The following CSMD1 variants were observed in gnomAD, a reference collection of about 807,000 sequenced individuals.
CSMD1 encodes the protein CUB and sushi domain-containing protein 1.
A neutral mutation model predicts 417.5 loss-of-function variants in CSMD1; 213 were observed. That is an observed-to-expected ratio of 0.51 (90% CI 0.46 to 0.57). CSMD1 has a LOEUF of 0.57. CSMD1 is among the 20% of genes least tolerant of loss of function. The pLI is 0.00. For missense variants in CSMD1, 6,923 were observed against 4,529.7 expected, an observed-to-expected ratio of 1.53 and a Z score of -15.17; for synonymous variants, 2,862 against 1,736.8, an observed-to-expected ratio of 1.65 and a Z score of -16.11.
chr8:4,914,314 C>G (rs1805907174), intron 1 of CSMD1, among the ~76,000 whole-genome samples: 1 of 152,126 alleles, frequency 6.6e-6, no homozygotes, highest in Non-Finnish European at 1.5e-5. Context: ...CGGTGGCTCA[C>G]ACCTGTAATC....
At chr8:3,439,146 AAAAAAAC>A (rs1814776970) in intron 12 of CSMD1, among the ~76,000 whole-genome samples, 5 of 129,334 alleles carry the variant, frequency 3.9e-5, no homozygotes, top group Non-Finnish European at 6.2e-5. Context: ...AAAAAAAAAA[AAAAAAAC>A]CAAGAAAAAA....
In CSMD1 at chr8:4,579,657, C is replaced by T. The variant is rs1166587062; in HGVS notation, c.302+57685G>A. 3.9e-5 allele frequency among the ~76,000 whole-genome samples: 6 copies of T among 152,040 alleles called. No homozygotes were observed. The East Asian group carries it at 5.8e-4, about 15-fold the overall frequency. On this transcript the variant is annotated intron_variant, in intron 2 of 69. Coordinates refer to ENST00000635120, the MANE Select transcript of CSMD1 (RefSeq NM_033225.6). Reference sequence around the variant, plus strand: ...TATTACAGGTGTGAGCCATCATGCCCGGCCTTAAACCTATATTTTAAGGAT... The same window carrying T: ...TATTACAGGTGTGAGCCATCATGCCTGGCCTTAAACCTATATTTTAAGGAT...
intron 29 of CSMD1, among the ~76,000 whole-genome samples, chr8:3,214,924 T>A (rs1361920734): frequency 6.6e-6 from 1 of 152,206 alleles, no homozygotes; most frequent in Non-Finnish European, 1.5e-5. Flanking sequence ...AAAAACCACA[T>A]TTTGCTACAG....
In CSMD1 at chr8:4,670,858, T is replaced by G. The variant is rs538736515; in HGVS notation, c.86-33300A>C. 4.6e-5 allele frequency among the ~76,000 whole-genome samples: 7 copies of G among 152,328 alleles called. No individual in the cohort carries two copies. The South Asian group carries it at 1.4e-3, about 32-fold the overall frequency. On this transcript the variant is annotated intron_variant, in intron 1 of 69. Transcript: ENST00000635120. ...AAGAGCAAAAGAACGTGTTTGTGTTTGGTGGTGGCATGTTTTGATGGGGGT... is the reference window on the plus strand; with the variant it reads ...AAGAGCAAAAGAACGTGTTTGTGTTGGGTGGTGGCATGTTTTGATGGGGGT...
chr8:3,201,594 A>G lies in CSMD1; in HGVS notation c.5098+18T>C. On this transcript the variant is annotated intron_variant, in intron 32 of 69. Coordinates refer to ENST00000635120, the MANE Select transcript of CSMD1 (RefSeq NM_033225.6). ...AGCTGTCTGAACTAAATTAAGGGCA[A>G]AATTCTTTAAGACTTACCTGAGTGA... 6.6e-7 allele frequency: 1 copy of G among 1,512,458 alleles called. No individual in the cohort carries two copies. The highest frequency in any genetic ancestry group is 9.1e-7 in the Non-Finnish European group (1 of 1,104,892). The allele number at this position is 1,512,458 out of a possible 1,614,324, so 93.7% of individuals were successfully genotyped here.
chr8:3,898,025 C>G (rs1305466168), intron 5 of CSMD1, among the ~76,000 whole-genome samples: 1 of 152,140 alleles, frequency 6.6e-6, no homozygotes, highest in Non-Finnish European at 1.5e-5. Context: ...CCCAGTTTGA[C>G]AATGCTATTC....
intron 2 of CSMD1, among the ~76,000 whole-genome samples, chr8:4,588,442 G>C (rs370917845): frequency 6.6e-6 from 1 of 151,220 alleles, no homozygotes; most frequent in Admixed American, 6.6e-5. Context: ...AGTACAGCCA[G>C]TCTGTCCTCT....
At chr8:3,393,957 G>A (rs1406948200) in intron 17 of CSMD1, among the ~76,000 whole-genome samples, 5 of 133,918 alleles carry the variant, frequency 3.7e-5, no homozygotes, top group Admixed American at 1.7e-4. Context: ...CCTGCACGTT[G>A]TGCACATGTA....
chr8:4,360,964 T>G (rs530910857), intron 3 of CSMD1, among the ~76,000 whole-genome samples: 1 of 152,202 alleles, frequency 6.6e-6, no homozygotes, highest in Non-Finnish European at 1.5e-5. Flanking sequence ...TGAGGAATAC[T>G]TGACTGACAG....
At chr8:3,908,772 G>C (rs1399943088) in intron 5 of CSMD1, among the ~76,000 whole-genome samples, 1 of 152,152 alleles carries the variant, frequency 6.6e-6, no homozygotes, top group Non-Finnish European at 1.5e-5. Context: ...TGGCTTACAG[G>C]CATTAGGGGC....
At chr8:4,362,425 C>T (rs1023583352) in intron 3 of CSMD1, among the ~76,000 whole-genome samples, 1 of 152,146 alleles carries the variant, frequency 6.6e-6, no homozygotes. Context: ...TTAGATGTAA[C>T]TTTGGACAAG....
intron 3 of CSMD1, among the ~76,000 whole-genome samples, chr8:4,359,853 C>G (rs1264286193): frequency 5.3e-5 from 8 of 152,246 alleles, no homozygotes; most frequent in Admixed American, 3.9e-4. Context: ...AGACTCAGTG[C>G]AAGTCCAGAG....
chr8:4,039,937 G>C (rs186954688), intron 3 of CSMD1, among the ~76,000 whole-genome samples: 210 of 152,262 alleles, frequency 1.4e-3, no homozygotes, highest in South Asian at 2.9e-3. Flanking sequence ...GCTTACTCTT[G>C]GGTTTATTAT....
chr8:3,586,066 T>A, intron 9 of CSMD1, 70 bp downstream of exon 9: 1 of 1,501,400 alleles, frequency 6.7e-7, no homozygotes, highest in Non-Finnish European at 9.0e-7. Flanking sequence ...ATGCTTAAAT[T>A]GTATATTCAT....
intron 1 of CSMD1, among the ~76,000 whole-genome samples, chr8:4,724,474 G>T (rs540696679): frequency 1.3e-5 from 2 of 150,810 alleles, no homozygotes; most frequent in Non-Finnish European, 3.0e-5. Context: ...TAAGTAGCTG[G>T]GAGTTCATCT....
chr8:4,678,064 C>A (rs907816163), intron 1 of CSMD1, among the ~76,000 whole-genome samples: 2 of 152,088 alleles, frequency 1.3e-5, no homozygotes, highest in African/African-American at 2.4e-5. Flanking sequence ...TGGACACACA[C>A]CCACATATGA....
At chr8:4,236,368 C>G (rs540078659) in intron 3 of CSMD1, among the ~76,000 whole-genome samples, 40 of 152,028 alleles carry the variant, frequency 2.6e-4, no homozygotes, top group Non-Finnish European at 5.7e-4. Context: ...CATCCCCACT[C>G]GGAGAAAGGG....
At chr8:4,352,337 A>C (rs1801147155) in intron 3 of CSMD1, among the ~76,000 whole-genome samples, 1 of 152,228 alleles carries the variant, frequency 6.6e-6, no homozygotes, top group South Asian at 2.1e-4. Context: ...ATTAAAATTC[A>C]ACATTTAGAA....
chr8:3,359,482 C>T (rs190343509), intron 20 of CSMD1, 142 bp from the exon 21 acceptor site: 27 of 608,292 alleles, frequency 4.4e-5, no homozygotes, highest in African/African-American at 1.5e-4. Flanking sequence ...ATAACTGTTA[C>T]GTGCATTTTT....
Sources: allele counts gnomAD v4.1 joint callset (sites outside exome capture counted in the v4.1 genomes callset), GRCh38; gene constraint gnomAD v4.1.1; transcripts MANE v1.5; gene names NCBI Gene and HGNC (gene_info 2026-07-23, HGNC 2026-07-21).